Variants in ILDR2 observed in about 807,000 individuals in gnomAD.
The protein encoded by ILDR2 is immunoglobulin-like domain-containing receptor 2.
A neutral mutation model predicts 66.8 loss-of-function variants in ILDR2; 25 were observed. The observed-to-expected ratio is 0.37, with a 90% CI of 0.27 to 0.52. The LOEUF is 0.52. ILDR2 is among the 20% of genes least tolerant of loss of function. The pLI, the probability that ILDR2 is intolerant of heterozygous loss-of-function variation, is 0.88. For missense variants in ILDR2, 827 were observed against 876.8 expected (o/e 0.94, Z 0.72); for synonymous variants, 367 against 357.2 (o/e 1.03, Z -0.31).
Position 166,898,534 on chromosome 1 carries a change from C to A in ILDR2, n.172-2433G>T, listed in dbSNP as rs115687132. Among the ~76,000 whole-genome samples the A allele has an allele frequency of 1.3e-5, 2 of 152,294 alleles. 1 individual carries two copies. Among genetic ancestry groups the A allele is most frequent in the Non-Finnish European group, 2.9e-5 (2 of 68,026 alleles). ...AACCAGGTGGCTCAAAGCACACCCT[C>A]CCTACCTGGTGTGTAATGTAGCTTC... On this transcript the variant is annotated intron_variant and non_coding_transcript_variant, in intron 2 of 2. Coordinates refer to the ILDR2 transcript ENST00000414590.
chr1:166,969,126 C>CA (rs1459545322), intron 1 of ILDR2, among the ~76,000 whole-genome samples: 1 of 151,970 alleles, frequency 6.6e-6, no homozygotes, highest in African/African-American at 2.4e-5. Flanking sequence ...GCAACAACAA[C>CA]AACAAAAAAA....
intron 6 of ILDR2, among the ~76,000 whole-genome samples, chr1:166,934,249 T>A (rs1206657038): frequency 6.6e-6 from 1 of 152,148 alleles, no homozygotes; most frequent in Admixed American, 6.5e-5. Context: ...TAATAGTGCC[T>A]CAAATGGGGC....
chr1:166,961,273 T>C (rs1662597604), intron 1 of ILDR2, among the ~76,000 whole-genome samples: 1 of 152,118 alleles, frequency 6.6e-6, no homozygotes, highest in Non-Finnish European at 1.5e-5. Flanking sequence ...AGTTTGGGGT[T>C]TTGTTCATTA....
At chr1:166,950,238 TTTG>T (rs1158905417) in intron 3 of ILDR2, among the ~76,000 whole-genome samples, 1 of 152,174 alleles carries the variant, frequency 6.6e-6, no homozygotes, top group Non-Finnish European at 1.5e-5. Flanking sequence ...TCTTCCTCTG[TTTG>T]TAAATCTTAG....
rs780769304 is a variant in ILDR2, at chr1:166,956,751, C to A, written c.481G>T (p.Val161Leu). 3 of 1,614,022 alleles carry A rather than the reference C, an allele frequency of 1.9e-6. No individual in the cohort carries two copies. The East Asian group carries it at 6.7e-5, about 36-fold the overall frequency. Residue 161 changes from valine (V) to leucine (L), a missense_variant, in exon 3 of 10, where the codon GTG (valine) becomes TTG (leucine). Val to Leu is a conservative substitution (Grantham distance 32). This residue lies in a region of ILDR2 where 437 missense variants were observed against 523.2 expected (regional missense o/e 0.84). Coordinates refer to ENST00000271417, the MANE Select transcript of ILDR2 (RefSeq NM_199351.3). ...DDLEGKNEDS[V>L]ELLVLGRTGL... ...CACTTACCCAACACCAGCAGTTCCA[C>A]TGAGTCCTCATTTTTCCCCTCCAGG...
chr1:166,948,838 G>A (rs1010443181), intron 3 of ILDR2, among the ~76,000 whole-genome samples: 1 of 152,234 alleles, frequency 6.6e-6, no homozygotes, highest in African/African-American at 2.4e-5. Flanking sequence ...GCGATGTGGT[G>A]TGGGGAGTGG....
At chr1:166,902,179 A>G (rs1204670266) in intron 2 of ILDR2, among the ~76,000 whole-genome samples, 1 of 152,252 alleles carries the variant, frequency 6.6e-6, no homozygotes, top group Non-Finnish European at 1.5e-5. Flanking sequence ...CTTTTGACAG[A>G]TGCAAAAGTC....
chr1:166,965,094 A>G (rs1272176441), intron 1 of ILDR2, among the ~76,000 whole-genome samples: 1 of 152,152 alleles, frequency 6.6e-6, no homozygotes, highest in Non-Finnish European at 1.5e-5. Context: ...TTGAGTACCA[A>G]AAGCAGGATT....
downstream of ILDR2, chr1:166,908,180 G>A (rs1272374622): frequency 2.6e-5 from 4 of 152,216 alleles, no homozygotes; most frequent in Middle Eastern, 3.2e-3. Flanking sequence ...AAATACCATA[G>A]ACTAGGTGGC....
chr1:166,960,651 T>C (rs186631257), intron 1 of ILDR2, among the ~76,000 whole-genome samples: 3 of 152,126 alleles, frequency 2.0e-5, no homozygotes, highest in African/African-American at 7.2e-5. Flanking sequence ...ATCCTGAATC[T>C]TGATAACCAT....
downstream of ILDR2, among the ~76,000 whole-genome samples, chr1:166,904,188 C>G (rs541368327): frequency 2.4e-4 from 36 of 152,224 alleles, no homozygotes; most frequent in Non-Finnish European, 4.1e-4. Flanking sequence ...CTCTCCTAAG[C>G]AATATCTCCC....
intron 2 of ILDR2, 77 bp downstream of exon 2, chr1:166,957,692 C>A: frequency 7.9e-7 from 1 of 1,262,348 alleles, no homozygotes. Context: ...AGAATATCAC[C>A]ATATTGACAT....
At position 166,921,306 on chromosome 1, in the gene ILDR2, C is replaced by G. The variant is rs1180053774; in HGVS notation, c.1285G>C (p.Glu429Gln). 4 of 1,593,492 alleles carry G rather than the reference C, an allele frequency of 2.5e-6. No individual in the cohort carries two copies. The highest frequency in any genetic ancestry group is 3.4e-6 in the Non-Finnish European group (4 of 1,167,760). The change falls in exon 9 of 10, where the codon GAG (glutamate) becomes CAG (glutamine). Residue 429 changes from glutamate to glutamine, a missense_variant. This residue lies in a region of ILDR2 where 390 missense variants were observed against 353.6 expected (regional missense o/e 1.10). Transcript: ENST00000271417. The surrounding 1 kb of genome is among the most constrained non-coding windows in gnomAD (Gnocchi z 5.3). ...TAGGAGTCAGCGAAGGCCGCCAGCTCGTCCATGGAAACGGCCGGCACCCCC... is the reference window on the plus strand; with the variant it reads ...TAGGAGTCAGCGAAGGCCGCCAGCTGGTCCATGGAAACGGCCGGCACCCCC... ...ATGVPAVSMD[E>Q]LAAFADSYGQ...
chr1:166,936,456 A>G lies in ILDR2; in HGVS notation c.703+135T>C. ...CCCTGAGGCCAGGGGCACCCAGCGG[A>G]GAAGAGTCTGGAATGACCAATCTTG... is the stretch of plus-strand genomic sequence containing the variant. On this transcript the variant is annotated intron_variant, in intron 5 of 9. Transcript: ENST00000271417. The surrounding 1 kb of genome is among the most constrained non-coding windows in gnomAD (Gnocchi z 5.0). 7.4e-7 allele frequency: 1 copy of G among 1,355,248 alleles called. No individual in the cohort carries two copies. Among genetic ancestry groups the G allele is most frequent in the South Asian group, 1.4e-5 (1 of 71,332 alleles). 84.0% of individuals were successfully genotyped at this position (1,355,248 alleles called of 1,614,324 possible).
At position 166,960,986 on chromosome 1, in the gene ILDR2, G is replaced by GA. The variant is rs1392558375; in HGVS notation, c.47-2886dup. On this transcript the variant is annotated intron_variant, in intron 1 of 9. Coordinates refer to ENST00000271417, the MANE Select transcript of ILDR2 (RefSeq NM_199351.3). ...CTTCAATTAGCAGTGGTTGAGGCTG[G>GA]ATAACCACTCACAGGCACCATTCCC... is the stretch of plus-strand genomic sequence containing the variant. Among the ~76,000 whole-genome samples the GA allele has an allele frequency of 3.9e-5, 6 of 152,292 alleles. No individual in the cohort carries two copies. The South Asian group carries it at 1.2e-3, about 32-fold the overall frequency.
chr1:166,957,295 G>A (rs1462504295), intron 2 of ILDR2, among the ~76,000 whole-genome samples: 1 of 152,202 alleles, frequency 6.6e-6, no homozygotes, highest in Middle Eastern at 3.2e-3. Context: ...GCAAGAGAAA[G>A]GGTGGAATTG....
chr1:166,931,860 T>G (rs1168140630), intron 6 of ILDR2, among the ~76,000 whole-genome samples: 2 of 152,078 alleles, frequency 1.3e-5, no homozygotes, highest in Non-Finnish European at 2.9e-5. Context: ...TGGTTCGAAG[T>G]GAAGAAGCAG....
At chr1:166,939,671 T>TTAG in intron 3 of ILDR2, 101 bp from the exon 4 acceptor site, 1 of 862,422 alleles carries the variant, frequency 1.2e-6, no homozygotes, top group East Asian at 2.5e-5. Context: ...CGTGCGGCCA[T>TTAG]TAGTGCATGC....
chr1:166,967,856 C>A (rs1571212947), intron 1 of ILDR2, among the ~76,000 whole-genome samples: 2 of 152,320 alleles, frequency 1.3e-5, no homozygotes, highest in South Asian at 4.1e-4. Context: ...GGCACTTTGA[C>A]ACTCTCTCCC....
Sources: allele counts gnomAD v4.1 joint callset (sites outside exome capture counted in the v4.1 genomes callset), GRCh38; gene constraint gnomAD v4.1.1; regional missense constraint gnomAD v4.1.1; non-coding constraint Gnocchi (gnomAD v3.1); transcripts MANE v1.5; gene names NCBI Gene and HGNC (gene_info 2026-07-23, HGNC 2026-07-21).